Variants in SEPTIN9 observed in about 807,000 individuals in gnomAD.
SEPTIN9 encodes the protein septin 9.
SEPTIN9 carries 13 observed loss-of-function variants against 56.6 expected under a neutral mutation model. The ratio of observed to expected loss-of-function variants is 0.23; its 90% CI spans 0.15 to 0.37. The LOEUF (loss-of-function observed/expected upper bound fraction) is 0.37. Ranked by LOEUF, SEPTIN9 falls within the 10% of genes least tolerant of loss-of-function variation. The pLI, the probability that SEPTIN9 is intolerant of heterozygous loss-of-function variation, is 1.00. For missense variants in SEPTIN9, 650 were observed against 823.1 expected (o/e 0.79, Z 2.57); for synonymous variants, 332 against 334.1 (o/e 0.99, Z 0.07).
chr17:77,493,032 G>A lies in SEPTIN9; in HGVS notation c.1529G>A (p.Gly510Asp), dbSNP rs866268955. 3 of 1,569,346 alleles carry A rather than the reference G, an allele frequency of 1.9e-6. No individual in the cohort carries two copies. The highest frequency in any genetic ancestry group is 1.9e-5 in the Admixed American group (1 of 53,144). The change falls in exon 10 of 12, where the codon GGC becomes GAC. Residue 510 changes from glycine to aspartate, a missense_variant. Coordinates refer to ENST00000427177, the MANE Select transcript of SEPTIN9 (RefSeq NM_001113491.2). ...VGSDHEYQVN[G>D]KRILGRKTKW... The stretch of plus-strand genomic sequence containing the variant: ...AGTGACCACGAGTACCAGGTCAACG[G>A]CAAGAGGATCCTTGGGAGGAAGACC...
chr17:77,404,011 TTG>T (rs1158494789), intron 3 of SEPTIN9, among the ~76,000 whole-genome samples: 1 of 152,116 alleles, frequency 6.6e-6, no homozygotes, highest in Non-Finnish European at 1.5e-5. Context: ...TCTAGGAACC[TTG>T]TGTGTGTGGA....
chr17:77,281,583 G>T (rs1035301365), intron 1 of SEPTIN9, 29 bp downstream of exon 1: 1 of 1,534,484 alleles, frequency 6.5e-7, no homozygotes, highest in Non-Finnish European at 8.8e-7. Flanking sequence ...GTGGGGAGGG[G>T]TCGGTGTCCC....
chr17:77,337,089 C>A (rs2033579234), intron 2 of SEPTIN9, among the ~76,000 whole-genome samples: 1 of 148,210 alleles, frequency 6.7e-6, no homozygotes, highest in Non-Finnish European at 1.5e-5. Flanking sequence ...GCAGCCTGAA[C>A]TCCTGGACTT....
rs2033021829 is a variant in SEPTIN9 at position 77,323,601 on chromosome 17, TA to T, written c.76+16407del. On this transcript the variant is annotated intron_variant, in intron 2 of 11. Coordinates refer to ENST00000427177, the MANE Select transcript of SEPTIN9 (RefSeq NM_001113491.2). The surrounding 1 kb of genome is among the most constrained non-coding windows in gnomAD (Gnocchi z 6.8). Reference sequence around the variant, plus strand: ...CCATCTGATGCAGTACGGCACAGGGTAAAGCCCAGCTCCTCTTACGGGGTTC... The same window carrying T: ...CCATCTGATGCAGTACGGCACAGGGTAAGCCCAGCTCCTCTTACGGGGTTC... 1 of 152,314 alleles carries T rather than the reference TA, an allele frequency of 6.6e-6. No homozygotes were observed. Among genetic ancestry groups the T allele is most frequent in the Non-Finnish European group, 1.5e-5 (1 of 68,168 alleles). The allele number at this position is 152,314 out of a possible 1,614,324, so 9.4% of individuals were successfully genotyped here. A position where few individuals can be genotyped will look rare whatever the true frequency, so the allele number is the denominator to read the frequency against.
chr17:77,399,008 G>A (rs967534866), intron 2 of SEPTIN9, among the ~76,000 whole-genome samples: 10 of 152,312 alleles, frequency 6.6e-5, no homozygotes, highest in African/African-American at 2.2e-4. Context: ...CGGCACACAT[G>A]TGCATTTTGC....
chr17:77,395,526 CAAAA>C (rs72242549), intron 2 of SEPTIN9, among the ~76,000 whole-genome samples: 1 of 115,308 alleles, frequency 8.7e-6, no homozygotes, highest in African/African-American at 3.1e-5. Context: ...GAGACTGTCT[CAAAA>C]AAAAAAAAAA....
intron 3 of SEPTIN9, among the ~76,000 whole-genome samples, chr17:77,430,864 G>A (rs1191394555): frequency 6.6e-6 from 1 of 152,064 alleles, no homozygotes; most frequent in Non-Finnish European, 1.5e-5. Context: ...GGTGGTGCAC[G>A]CTTGTAATCC....
chr17:77,440,681 G>A lies in SEPTIN9; in HGVS notation c.721+37978G>A, dbSNP rs568029283. 7.9e-4 allele frequency among the ~76,000 whole-genome samples: 121 copies of A among 152,350 alleles called. 1 individual carries two copies. Among genetic ancestry groups the A allele is most frequent in the African/African-American group, 2.5e-3 (104 of 41,578 alleles). ...GGGAGAAGAGGCAGGAAGGTGACGC[G>A]TGATCATCCGCTGGGCGCCCGCACA... On this transcript the variant is annotated intron_variant, in intron 3 of 11. Transcript: ENST00000427177.
At chr17:77,328,796 A>G (rs2033241910) in intron 2 of SEPTIN9, among the ~76,000 whole-genome samples, 1 of 152,228 alleles carries the variant, frequency 6.6e-6, no homozygotes, top group African/African-American at 2.4e-5. Flanking sequence ...GAGGCAGTCC[A>G]CAAATGAGCA....
rs1324448265 is a variant in SEPTIN9 at position 77,433,995 on chromosome 17, G to C, written c.721+31292G>C. Among the ~76,000 whole-genome samples, 2 of 152,212 alleles carry C rather than the reference G, an allele frequency of 1.3e-5. No homozygotes were observed. Among genetic ancestry groups the C allele is most frequent in the Non-Finnish European group, 2.9e-5 (2 of 68,032 alleles). ...GCTTTCTGGCCTCTGCAGGGACGCT[G>C]TGTGTGCCTGTGTGAGTCTGGCGTG... On this transcript the variant is annotated intron_variant, in intron 3 of 11. Coordinates refer to ENST00000427177, the MANE Select transcript of SEPTIN9 (RefSeq NM_001113491.2). The surrounding 1 kb of genome is among the most constrained non-coding windows in gnomAD (Gnocchi z 6.4).
chr17:77,366,445 C>T (rs1317511399), intron 2 of SEPTIN9, among the ~76,000 whole-genome samples: 1 of 152,152 alleles, frequency 6.6e-6, no homozygotes, highest in African/African-American at 2.4e-5. Context: ...TCAGCAGAGC[C>T]GCTGGTGGCC....
chr17:77,333,598 A>G (rs1406835903), intron 2 of SEPTIN9, among the ~76,000 whole-genome samples: 8 of 152,192 alleles, frequency 5.3e-5, no homozygotes, highest in African/African-American at 1.7e-4. Context: ...GTCTAATTTA[A>G]CAAACTCCTT....
chr17:77,454,168 G>A (rs2038093536), intron 3 of SEPTIN9: 2 of 985,628 alleles, frequency 2.0e-6, no homozygotes, highest in African/African-American at 3.5e-5. Context: ...TTAACACAGA[G>A]CATCGATACC....
chr17:77,497,545 G>C (rs2040323520), intron 11 of SEPTIN9, 179 bp downstream of exon 11: 2 of 652,946 alleles, frequency 3.1e-6, no homozygotes, highest in Admixed American at 4.7e-5. Context: ...AAACCCACTG[G>C]GAAATGAAGC....
At chr17:77,361,007 TC>T (rs2034400920) in intron 2 of SEPTIN9, among the ~76,000 whole-genome samples, 1 of 141,976 alleles carries the variant, frequency 7.0e-6, no homozygotes, top group Non-Finnish European at 1.5e-5. Context: ...CACTGCAACC[TC>T]TGCCTCCTGG....
chr17:77,350,656 C>G (rs886752439), intron 2 of SEPTIN9, among the ~76,000 whole-genome samples: 1 of 144,100 alleles, frequency 6.9e-6, no homozygotes, highest in African/African-American at 2.6e-5. Flanking sequence ...TGCATTACAC[C>G]CTTCTACAGA....
chr17:77,465,866 A>C (rs1422603879), intron 3 of SEPTIN9, among the ~76,000 whole-genome samples: 1 of 151,948 alleles, frequency 6.6e-6, no homozygotes, highest in Admixed American at 6.6e-5. Context: ...CACCCCTGGA[A>C]GGAGGCTGGG....
intron 3 of SEPTIN9, among the ~76,000 whole-genome samples, chr17:77,431,585 C>G (rs1289019188): frequency 6.6e-6 from 1 of 151,864 alleles, no homozygotes; most frequent in African/African-American, 2.4e-5. Flanking sequence ...GTCTATAATC[C>G]CAGAAAGCTG....
intron 2 of SEPTIN9, among the ~76,000 whole-genome samples, chr17:77,395,494 A>C (rs944678153): frequency 6.7e-6 from 1 of 148,844 alleles, no homozygotes; most frequent in African/African-American, 2.5e-5. Flanking sequence ...GCGCCACTGC[A>C]CTCCAGTCTG....
Sources: allele counts gnomAD v4.1 joint callset (sites outside exome capture counted in the v4.1 genomes callset), GRCh38; gene constraint gnomAD v4.1.1; non-coding constraint Gnocchi (gnomAD v3.1); transcripts MANE v1.5; gene names NCBI Gene and HGNC (gene_info 2026-07-23, HGNC 2026-07-21).